The following BEND5 variants were observed in gnomAD, a reference collection of about 807,000 sequenced individuals.
BEND5 encodes BEN domain-containing protein 5.
BEND5 carries 22 observed loss-of-function variants against 43.9 expected under a neutral mutation model. That is an observed-to-expected ratio of 0.50 (90% confidence interval 0.36 to 0.72). The LOEUF (loss-of-function observed/expected upper bound fraction) is 0.72. Among genes scored for constraint, BEND5 ranks in the 30% least tolerant of loss-of-function variants. The pLI is 0.00. For synonymous variants in BEND5, 228 were observed against 225.9 expected, an observed-to-expected ratio of 1.01 and a Z score of -0.08; for missense variants, 428 against 550.6, an observed-to-expected ratio of 0.78 and a Z score of 2.23.
chr1:48,776,009 C>A (rs1414842497), intron 1 of BEND5, among the ~76,000 whole-genome samples: 2 of 152,190 alleles, frequency 1.3e-5, no homozygotes, highest in African/African-American at 4.8e-5. Flanking sequence ...TGGTGTGGAG[C>A]CCAGTGCACT....
At chr1:48,749,838 C>T (rs541651035) in intron 3 of BEND5, among the ~76,000 whole-genome samples, 7 of 152,160 alleles carry the variant, frequency 4.6e-5, no homozygotes, top group Non-Finnish European at 8.8e-5. Flanking sequence ...ATGTGCAGAA[C>T]GCCCTGTCAA....
intron 5 of BEND5, among the ~76,000 whole-genome samples, chr1:48,729,494 A>C (rs1418654382): frequency 6.6e-6 from 1 of 152,194 alleles, no homozygotes; most frequent in African/African-American, 2.4e-5. Context: ...AAATCTTGTC[A>C]TTACCAAACC....
chr1:48,740,567 G>C (rs1365182812), intron 4 of BEND5, among the ~76,000 whole-genome samples: 1 of 152,190 alleles, frequency 6.6e-6, no homozygotes, highest in Non-Finnish European at 1.5e-5. Context: ...TATACTATTT[G>C]ACCAAAGTGT....
In BEND5 at chr1:48,736,180, CATTCTTGACAGAGT is replaced by C. The variant is rs1649015704; in HGVS notation, c.1108+45_1108+58del. 6.5e-7 allele frequency: 1 copy of C among 1,536,726 alleles called. No individual in the cohort carries two copies. The highest frequency in any genetic ancestry group is 1.1e-5 in the South Asian group (1 of 89,234). On this transcript the variant is annotated intron_variant, in intron 5 of 5. Coordinates refer to ENST00000371833, the MANE Select transcript of BEND5 (RefSeq NM_024603.4). This position sits in a 1 kb window ranked among gnomAD's most constrained non-coding sequence, Gnocchi z 4.0. ...TCGTTGAATTGAATTGTGCCTAACACATTCTTGACAGAGTAAAAGACAGAATCCCAGCCATTGTG... is the reference window on the plus strand; with the variant it reads ...TCGTTGAATTGAATTGTGCCTAACACAAAAGACAGAATCCCAGCCATTGTG...
At position 48,732,576 on chromosome 1, in the gene BEND5, C is replaced by A. The variant is rs112446605; in HGVS notation, c.1108+3663G>T. 6.0e-3 allele frequency among the ~76,000 whole-genome samples: 915 copies of A among 152,182 alleles called. 13 individuals carry two copies. Among genetic ancestry groups the A allele is most frequent in the African/African-American group, 0.021 (872 of 41,538 alleles). ...ACTTTAGACTGAGTGGCTGGGGAGG[C>A]CTCTCTCAGTGACAGGGAGGGAGGG... On this transcript the variant is annotated intron_variant, in intron 5 of 5. Coordinates refer to ENST00000371833, the MANE Select transcript of BEND5 (RefSeq NM_024603.4).
At position 48,761,443 on chromosome 1, in the gene BEND5, A is replaced by G; in HGVS notation, c.254T>C (p.Val85Ala). ...AEDKSDLENS[V>A]MQKKIKIPKL... The stretch of plus-strand genomic sequence containing the variant: ...GGGGATTTTTATTTTCTTCTGCATC[A>G]CACTGTTTTCAAGGTCAGATTTGTC... Residue 85 changes from valine to alanine, a missense_variant, in exon 2 of 6, where the codon GTG (valine) becomes GCG (alanine). By Grantham distance (64) the Val-to-Ala change is moderately conservative. Around this residue, in one of 4 missense-constraint regions of BEND5, gnomAD observed 243 missense variants for 286.4 expected, o/e 0.85. Coordinates refer to ENST00000371833, the MANE Select transcript of BEND5 (RefSeq NM_024603.4). 6.4e-7 allele frequency: 1 copy of G among 1,551,266 alleles called. No homozygotes were observed. Among genetic ancestry groups the G allele is most frequent in the African/African-American group, 1.4e-5 (1 of 73,184 alleles).
intron 1 of BEND5, among the ~76,000 whole-genome samples, chr1:48,772,431 G>A (rs1644882507): frequency 6.6e-6 from 1 of 152,166 alleles, no homozygotes; most frequent in African/African-American, 2.4e-5. Flanking sequence ...TGCAGGCAGA[G>A]GCCCCATATC....
At chr1:48,762,453 T>C (rs927013051) in intron 1 of BEND5, among the ~76,000 whole-genome samples, 41 of 152,292 alleles carry the variant, frequency 2.7e-4, no homozygotes, top group African/African-American at 9.6e-4. Flanking sequence ...TGTGGTAAAA[T>C]ACTTTGTGTT....
intron 1 of BEND5, among the ~76,000 whole-genome samples, chr1:48,762,382 T>C (rs1223738746): frequency 2.6e-5 from 4 of 152,206 alleles, no homozygotes; most frequent in African/African-American, 4.8e-5. Flanking sequence ...TGTTCAAAAA[T>C]AAAAGTTCAA....
chr1:48,728,591 T>C (rs2148546785), intron 5 of BEND5, among the ~76,000 whole-genome samples: 1 of 152,262 alleles, frequency 6.6e-6, no homozygotes, highest in Non-Finnish European at 1.5e-5. Context: ...TGTATGGCTC[T>C]ATCACAATTT....
chr1:48,739,343 C>T (rs1649557411), intron 4 of BEND5, among the ~76,000 whole-genome samples: 1 of 152,226 alleles, frequency 6.6e-6, no homozygotes, highest in African/African-American at 2.4e-5. Context: ...GGTAAATCCT[C>T]TGGAATTTTG....
chr1:48,757,924 T>G (rs1054778842), intron 3 of BEND5, among the ~76,000 whole-genome samples: 5 of 152,202 alleles, frequency 3.3e-5, no homozygotes, highest in Non-Finnish European at 7.3e-5. Context: ...TTATACCGAT[T>G]TCCTCAATAT....
At chr1:48,742,916 C>G in intron 3 of BEND5, 145 bp from the exon 4 acceptor site, 1 of 709,454 alleles carries the variant, frequency 1.4e-6, no homozygotes, top group Non-Finnish European at 2.1e-6. Flanking sequence ...AACCCAGACT[C>G]GAAAATAATG....
At chr1:48,734,746 T>C (rs970788403) in intron 5 of BEND5, among the ~76,000 whole-genome samples, 2 of 152,244 alleles carry the variant, frequency 1.3e-5, no homozygotes, top group African/African-American at 4.8e-5. Context: ...CTTCTCCAAC[T>C]ACCCCAGTGA....
intron 5 of BEND5, among the ~76,000 whole-genome samples, chr1:48,735,395 T>A (rs1570414171): frequency 1.4e-5 from 2 of 141,144 alleles, no homozygotes; most frequent in South Asian, 2.3e-4. Context: ...GGAGGGAGGG[T>A]GGGAGAGAGG....
intron 3 of BEND5, among the ~76,000 whole-genome samples, chr1:48,744,643 T>C (rs1650445756): frequency 6.6e-6 from 1 of 152,340 alleles, no homozygotes; most frequent in Admixed American, 6.5e-5. Context: ...AGTACAGCCG[T>C]AACTTCAGTT....
intron 1 of BEND5, among the ~76,000 whole-genome samples, chr1:48,770,606 C>T (rs1360830786): frequency 6.6e-6 from 1 of 152,194 alleles, no homozygotes; most frequent in South Asian, 2.1e-4. Context: ...GAATGCTCTT[C>T]TGAACCTCAG....
chr1:48,772,287 G>A (rs979034162), intron 1 of BEND5, among the ~76,000 whole-genome samples: 1 of 152,252 alleles, frequency 6.6e-6, no homozygotes, highest in Admixed American at 6.5e-5. Flanking sequence ...CTTGGGCGCA[G>A]AGGGAGGAAT....
chr1:48,753,961 T>G (rs757893681), intron 3 of BEND5, among the ~76,000 whole-genome samples: 1 of 152,232 alleles, frequency 6.6e-6, no homozygotes, highest in Non-Finnish European at 1.5e-5. Context: ...ATTTGCCTGG[T>G]GTCACACTGC....
Sources: allele counts gnomAD v4.1 joint callset (sites outside exome capture counted in the v4.1 genomes callset), GRCh38; gene constraint gnomAD v4.1.1; regional missense constraint gnomAD v4.1.1; non-coding constraint Gnocchi (gnomAD v3.1); transcripts MANE v1.5; gene names NCBI Gene and HGNC (gene_info 2026-07-23, HGNC 2026-07-21).